Variants in SGCD observed in about 807,000 individuals in gnomAD.
The protein encoded by SGCD is delta-sarcoglycan.
A neutral mutation model predicts 36.6 loss-of-function variants in SGCD; 18 were observed. The observed-to-expected ratio is 0.49, with a 90% CI of 0.34 to 0.73. The LOEUF (loss-of-function observed/expected upper bound fraction) is 0.73, where lower values mean the gene tolerates loss of function less well. Ranked by LOEUF, SGCD falls within the 30% of genes least tolerant of loss-of-function variation. The pLI, the probability that SGCD is intolerant of heterozygous loss-of-function variation, is 0.01. For synonymous variants in SGCD, 133 were observed against 130.6 expected, an observed-to-expected ratio of 1.02 and a Z score of -0.12; for missense variants, 387 against 346.7, an observed-to-expected ratio of 1.12 and a Z score of -0.92.
chr5:156,100,483 G>A (rs1561720681), intron 1 of SGCD, among the ~76,000 whole-genome samples: 1 of 152,102 alleles, frequency 6.6e-6, no homozygotes, highest in Non-Finnish European at 1.5e-5. Context: ...TCATTTTTTA[G>A]CATATGGTGG....
At chr5:155,806,521 A>G in the SGCD span, among the ~76,000 whole-genome samples, 2 of 151,962 alleles carry the variant, frequency 1.3e-5, no homozygotes, top group Non-Finnish European at 2.9e-5. Context: ...TTGTTGAATT[A>G]ACAATGTCAG....
chr5:156,219,525 G>A (rs191847827), intron 3 of SGCD, among the ~76,000 whole-genome samples: 80 of 152,220 alleles, frequency 5.3e-4, no homozygotes, highest in Non-Finnish European at 8.5e-4. Flanking sequence ...CATACTCTGC[G>A]TTGAGAAAAA....
chr5:156,230,421 C>T (rs926944757), intron 3 of SGCD, among the ~76,000 whole-genome samples: 4 of 152,118 alleles, frequency 2.6e-5, no homozygotes, highest in African/African-American at 7.2e-5. Context: ...TGGCTTCCTG[C>T]GAGCTGAGCT....
At chr5:155,825,822 C>T in the SGCD span, among the ~76,000 whole-genome samples, 1 of 151,770 alleles carries the variant, frequency 6.6e-6, no homozygotes, top group Non-Finnish European at 1.5e-5. Flanking sequence ...AATCTCGGCT[C>T]ACTGCAACCT....
At chr5:155,832,628 C>A in the SGCD span, among the ~76,000 whole-genome samples, 3 of 152,016 alleles carry the variant, frequency 2.0e-5, no homozygotes, top group South Asian at 2.1e-4. Flanking sequence ...GCAGCCTTGT[C>A]CTTCCTCCTG....
At chr5:155,780,745 G>A in the SGCD span, among the ~76,000 whole-genome samples, 4 of 152,294 alleles carry the variant, frequency 2.6e-5, no homozygotes, top group Non-Finnish European at 4.4e-5. Context: ...TTGATTTCTA[G>A]CAGTGATTCT....
intron 1 of SGCD, among the ~76,000 whole-genome samples, chr5:155,999,151 TG>T (rs1270017479): frequency 1.3e-5 from 2 of 152,250 alleles, no homozygotes; most frequent in African/African-American, 4.8e-5. Flanking sequence ...TGCCAACATC[TG>T]GGGTCCTGCC....
At chr5:155,877,769 G>A (rs1014765815) in intron 1 of SGCD, among the ~76,000 whole-genome samples, 1 of 152,028 alleles carries the variant, frequency 6.6e-6, no homozygotes, top group African/African-American at 2.4e-5. Flanking sequence ...GTCTAAATAT[G>A]TTTGGGAAAC....
At chr5:156,609,484 C>G (rs1041635455) in intron 6 of SGCD, among the ~76,000 whole-genome samples, 4 of 152,148 alleles carry the variant, frequency 2.6e-5, no homozygotes, top group Non-Finnish European at 5.9e-5. Context: ...AACATTTTTT[C>G]CTTCATTTCC....
At chr5:156,517,576 T>C (rs912349311) in intron 4 of SGCD, among the ~76,000 whole-genome samples, 4 of 151,970 alleles carry the variant, frequency 2.6e-5, no homozygotes, top group African/African-American at 9.7e-5. Context: ...AAAAAAAATG[T>C]TTAGGGCAAC....
intron 3 of SGCD, among the ~76,000 whole-genome samples, chr5:156,150,749 G>A (rs116783626): frequency 0.015 from 2,200 of 151,664 alleles, 30 homozygotes; most frequent in Non-Finnish European, 0.024. Context: ...GCAGTTCTAC[G>A]CGGTGACTTG....
At chr5:156,287,733 G>A (rs1341259370) in intron 3 of SGCD, among the ~76,000 whole-genome samples, 1 of 151,504 alleles carries the variant, frequency 6.6e-6, no homozygotes, top group Non-Finnish European at 1.5e-5. Context: ...TGCTGACATT[G>A]TTTTAAAGCT....
the SGCD span, among the ~76,000 whole-genome samples, chr5:155,758,346 G>C: frequency 6.6e-6 from 1 of 152,188 alleles, no homozygotes; most frequent in African/African-American, 2.4e-5. Context: ...GCTTACCACT[G>C]TCCTTACTAA....
intron 1 of SGCD, among the ~76,000 whole-genome samples, chr5:156,019,069 A>C (rs903522921): frequency 6.6e-6 from 1 of 152,212 alleles, no homozygotes; most frequent in Non-Finnish European, 1.5e-5. Flanking sequence ...TTAATCTATC[A>C]TCTGTTTCCC....
At chr5:156,359,382 C>G (rs557695547) in intron 3 of SGCD, among the ~76,000 whole-genome samples, 1 of 152,206 alleles carries the variant, frequency 6.6e-6, no homozygotes, top group African/African-American at 2.4e-5. Flanking sequence ...TATTCTGTGC[C>G]AGGTGTGATA....
At chr5:156,755,731 A>G (rs1416679967) in intron 7 of SGCD, among the ~76,000 whole-genome samples, 3 of 152,198 alleles carry the variant, frequency 2.0e-5, no homozygotes, top group African/African-American at 7.2e-5. Context: ...CCACACCCAA[A>G]GGGGTGAGAC....
At chr5:156,450,536 T>TAA (rs760472519) in intron 3 of SGCD, among the ~76,000 whole-genome samples, 4 of 120,254 alleles carry the variant, frequency 3.3e-5, no homozygotes, top group African/African-American at 1.3e-4. Flanking sequence ...AGACATTCAT[T>TAA]AAAAAAAAAA....
chr5:155,991,747 T>G (rs1160965578), intron 1 of SGCD, among the ~76,000 whole-genome samples: 1 of 152,212 alleles, frequency 6.6e-6, no homozygotes, highest in East Asian at 1.9e-4. Flanking sequence ...TAAAAATTGA[T>G]GCAGATTATG....
At chr5:156,180,023 T>C (rs1763564978) in intron 3 of SGCD, among the ~76,000 whole-genome samples, 2 of 152,240 alleles carry the variant, frequency 1.3e-5, no homozygotes, top group Admixed American at 1.3e-4. Context: ...GAAATATTTA[T>C]AGTATTTTAC....
Sources: allele counts gnomAD v4.1 joint callset (sites outside exome capture counted in the v4.1 genomes callset), GRCh38; gene constraint gnomAD v4.1.1; transcripts MANE v1.5; gene names NCBI Gene and HGNC (gene_info 2026-07-23, HGNC 2026-07-21).